Variants in USP31 observed in about 807,000 individuals in gnomAD.
The protein encoded by USP31 is ubiquitin specific peptidase 31, also known as ubiquitin carboxyl-terminal hydrolase 31.
USP31 carries 44 observed loss-of-function variants against 119.4 expected under a neutral mutation model. The ratio of observed to expected loss-of-function variants is 0.37; its 90% CI spans 0.29 to 0.47. The LOEUF (loss-of-function observed/expected upper bound fraction) is 0.47, where lower values mean the gene tolerates loss of function less well. Among genes scored for constraint, USP31 ranks in the 20% least tolerant of loss-of-function variants. The pLI is 0.99. For missense variants in USP31, 1,643 were observed against 1,730.2 expected (o/e 0.95, Z 0.89); for synonymous variants, 749 against 705.6 (o/e 1.06, Z -0.97).
chr16:23,135,921 A>T (rs1481989799), intron 1 of USP31, among the ~76,000 whole-genome samples: 1 of 152,258 alleles, frequency 6.6e-6, no homozygotes, highest in Non-Finnish European at 1.5e-5. Context: ...TCCTGATTTC[A>T]AAACTTACTA....
At chr16:23,073,589 GATTA>G in intron 14 of USP31, 129 bp downstream of exon 14, 2 of 1,166,934 alleles carry the variant, frequency 1.7e-6, no homozygotes, top group South Asian at 3.3e-5. Flanking sequence ...TTAGTTTCCA[GATTA>G]AATGGAAACG....
chr16:23,069,636 T>TA lies in USP31; in HGVS notation c.2489-21dup. 1 of 1,574,742 alleles carries TA rather than the reference T, an allele frequency of 6.4e-7. No homozygotes were observed. The highest frequency in any genetic ancestry group is 8.6e-7 in the Non-Finnish European group (1 of 1,157,870). Reference sequence around the variant, plus strand: ...AGCCTCCTGAACACAGTAAAGAGAATACTGTTAAGTTAAGCCAATGAAGAC... The same window carrying TA: ...AGCCTCCTGAACACAGTAAAGAGAATAACTGTTAAGTTAAGCCAATGAAGAC... On this transcript the variant is annotated intron_variant, in intron 15 of 15. Coordinates refer to ENST00000219689, the MANE Select transcript of USP31 (RefSeq NM_020718.4).
intron 1 of USP31, among the ~76,000 whole-genome samples, chr16:23,112,884 C>G (rs984577252): frequency 6.6e-6 from 1 of 151,788 alleles, no homozygotes; most frequent in African/African-American, 2.4e-5. Flanking sequence ...CAAAATTAGC[C>G]GGGCACGGTG....
In USP31 at chr16:23,149,011, C is replaced by T; in HGVS notation, c.260G>A (p.Arg87His). The T allele has an allele frequency of 8.9e-7, 1 of 1,120,036 alleles. No individual in the cohort carries two copies. Among genetic ancestry groups the T allele is most frequent in the African/African-American group, 1.7e-5 (1 of 59,140 alleles). 69.4% of individuals were successfully genotyped at this position (1,120,036 alleles called of 1,614,324 possible). Reference sequence around the variant, plus strand: ...CGGGAAGCAGCTGCGGAGGCCGCCGCGGTCTGGGGCGGCGCCCTCAGAGCT... The same window carrying T: ...CGGGAAGCAGCTGCGGAGGCCGCCGTGGTCTGGGGCGGCGCCCTCAGAGCT... ...HLSSEGAAPD[R>H]GGLRSCFPPG... Residue 87 changes from arginine to histidine, a missense_variant, in exon 1 of 16, where the codon CGC (arginine) becomes CAC (histidine). Around this residue, in one of 5 missense-constraint regions of USP31, gnomAD observed 302 missense variants for 262.6 expected, o/e 1.15. Transcript: ENST00000219689.
At chr16:23,131,981 A>G (rs1903043722) in intron 1 of USP31, among the ~76,000 whole-genome samples, 1 of 152,224 alleles carries the variant, frequency 6.6e-6, no homozygotes, top group African/African-American at 2.4e-5. Context: ...TAAAGCGTCA[A>G]CTGTTTATTT....
In USP31 at chr16:23,068,291, C is replaced by A; in HGVS notation, c.3814G>T (p.Glu1272Ter). 6.2e-7 allele frequency: 1 copy of A among 1,614,032 alleles called. No individual in the cohort carries two copies. Among genetic ancestry groups the A allele is most frequent in the Non-Finnish European group, 8.5e-7 (1 of 1,179,898 alleles). ...VCKNTGDDEA[E>*]RGHQPPASQQ... Reference sequence around the variant, plus strand: ...GAAGCTGGAGGCTGGTGGCCTCTCTCTGCCTCGTCGTCCCCGGTGTTCTTA... The same window carrying A: ...GAAGCTGGAGGCTGGTGGCCTCTCTATGCCTCGTCGTCCCCGGTGTTCTTA... Residue 1272 changes from glutamate (E) to a stop codon, truncating the protein, a stop_gained, in exon 16 of 16, where the codon GAG (glutamate) becomes TAG (stop). Transcript: ENST00000219689. LOFTEE classifies it high-confidence loss of function.
intron 1 of USP31, among the ~76,000 whole-genome samples, chr16:23,146,202 T>C (rs559684142): frequency 1.4e-4 from 20 of 137,934 alleles, no homozygotes; most frequent in African/African-American, 5.4e-4. Flanking sequence ...CTGTGGCTAC[T>C]TACAGGCAAT....
chr16:23,148,968 C>CGCGGCGGCCGGCCCGGGCGGGAAGCAGCT lies in USP31; in HGVS notation c.274_302dup (p.Pro102AlafsTer48). On this transcript the variant is annotated frameshift_variant, in exon 1 of 16. Coordinates refer to ENST00000219689, the MANE Select transcript of USP31 (RefSeq NM_020718.4). LOFTEE classifies it high-confidence loss of function. ...GCGGCGGGCACGGCGGCGGCGTGGG[C>CGCGGCGGCCGGCCCGGGCGGGAAGCAGCT]GCGGCGGCCGGCCCGGGCGGGAAGC... is the stretch of plus-strand genomic sequence containing the variant. 9.9e-7 allele frequency: 1 copy of CGCGGCGGCCGGCCCGGGCGGGAAGCAGCT among 1,014,892 alleles called. No individual in the cohort carries two copies. The highest frequency in any genetic ancestry group is 1.2e-6 in the Non-Finnish European group (1 of 846,252). 62.9% of individuals were successfully genotyped at this position (1,014,892 alleles called of 1,614,324 possible). A position where few individuals can be genotyped will look rare whatever the true frequency, so the allele number is the denominator to read the frequency against.
At chr16:23,112,015 C>T (rs1355287177) in intron 1 of USP31, among the ~76,000 whole-genome samples, 1 of 151,884 alleles carries the variant, frequency 6.6e-6, no homozygotes, top group South Asian at 2.1e-4. Flanking sequence ...GATTCAGATT[C>T]GGGAGGAAAA....
chr16:23,132,883 C>T lies in USP31; in HGVS notation c.633+15755G>A, dbSNP rs1903072282. Among the ~76,000 whole-genome samples the T allele has an allele frequency of 2.6e-5, 4 of 152,278 alleles. No homozygotes were observed. In the South Asian group the frequency reaches 8.3e-4, roughly 32 times the overall value. Reference sequence around the variant, plus strand: ...CGTTTTAAAACCTCTACGTTATTTTCATCTCCTCCTCCTTATCCACTCTTC... The same window carrying T: ...CGTTTTAAAACCTCTACGTTATTTTTATCTCCTCCTCCTTATCCACTCTTC... On this transcript the variant is annotated intron_variant, in intron 1 of 15. Transcript: ENST00000219689.
chr16:23,103,197 G>A (rs1355294840), intron 5 of USP31, among the ~76,000 whole-genome samples: 1 of 152,026 alleles, frequency 6.6e-6, no homozygotes, highest in Non-Finnish European at 1.5e-5. Context: ...GTTCTACAAC[G>A]ATTCAGCCTC....
At chr16:23,133,129 C>G (rs539094655) in intron 1 of USP31, among the ~76,000 whole-genome samples, 1 of 152,308 alleles carries the variant, frequency 6.6e-6, no homozygotes, top group South Asian at 2.1e-4. Flanking sequence ...GGCAACTCAT[C>G]CTATTTTCAG....
intron 1 of USP31, among the ~76,000 whole-genome samples, chr16:23,126,191 C>G (rs1051766355): frequency 1.4e-4 from 21 of 151,714 alleles, no homozygotes; most frequent in Non-Finnish European, 2.6e-4. Flanking sequence ...AGAGTGGTGG[C>G]AGGCACCTGT....
At chr16:23,133,055 C>G (rs185225773) in intron 1 of USP31, among the ~76,000 whole-genome samples, 2 of 152,290 alleles carry the variant, frequency 1.3e-5, no homozygotes, top group East Asian at 3.9e-4. Flanking sequence ...TGACTGCCCC[C>G]CTACAGTATC....
At position 23,065,853 on chromosome 16, in the gene USP31, T is replaced by C. The variant is rs1900045140; in HGVS notation, c.*2193A>G. ...ATTAAAAACCTTTGTCTAATCAAAC[T>C]ATAATTGTTTCAGAGATTCAGATAG... On this transcript the variant is annotated 3_prime_UTR_variant, in exon 16 of 16. Transcript: ENST00000219689. 6.6e-6 allele frequency: 1 copy of C among 152,190 alleles called. No homozygotes were observed. The allele number at this position is 152,190 out of a possible 1,614,324, so 9.4% of individuals were successfully genotyped here.
intron 8 of USP31, 75 bp from the exon 9 acceptor site, chr16:23,087,261 A>G: frequency 1.5e-6 from 2 of 1,325,474 alleles, no homozygotes; most frequent in Non-Finnish European, 2.1e-6. Flanking sequence ...CATTTCCAAA[A>G]CAGATTAGAG....
chr16:23,079,911 G>A (rs377331199), intron 13 of USP31, 35 bp downstream of exon 13: 2 of 1,547,874 alleles, frequency 1.3e-6, no homozygotes, highest in Non-Finnish European at 1.7e-6. Context: ...TGAAGGACTC[G>A]CCAGCACAGA....
Position 23,148,662 on chromosome 16 carries a change from G to A in USP31, c.609C>T (p.Thr203=), listed in dbSNP as rs1483340961. Residue 203 remains threonine (T), a synonymous_variant, in exon 1 of 16, where the codon ACC becomes ACT. Coordinates refer to ENST00000219689, the MANE Select transcript of USP31 (RefSeq NM_020718.4). ...CCTTGAAGTCGCGGCTGTGCTGCGG[G>A]GTGTACTCCAGGGTCCAGAGGGCCC... is the stretch of plus-strand genomic sequence containing the variant. ...LVRALWTLEY[T]PQHSRDFKTI... 49 of 1,498,172 alleles carry A rather than the reference G, an allele frequency of 3.3e-5. No individual in the cohort carries two copies. The highest frequency in any genetic ancestry group is 5.8e-5 in the East Asian group (2 of 34,510). The allele number at this position is 1,498,172 out of a possible 1,614,324, so 92.8% of individuals were successfully genotyped here.
chr16:23,124,527 C>T (rs1902784035), intron 1 of USP31, among the ~76,000 whole-genome samples: 1 of 152,168 alleles, frequency 6.6e-6, no homozygotes, highest in South Asian at 2.1e-4. Flanking sequence ...GTGAGTCATC[C>T]AGCACTAGAA....
Sources: allele counts gnomAD v4.1 joint callset (sites outside exome capture counted in the v4.1 genomes callset), GRCh38; gene constraint gnomAD v4.1.1; regional missense constraint gnomAD v4.1.1; transcripts MANE v1.5; gene names NCBI Gene and HGNC (gene_info 2026-07-23, HGNC 2026-07-21).